Variants in BTN3A1 observed in about 807,000 individuals in gnomAD.
The protein encoded by BTN3A1 is butyrophilin subfamily 3 member A1, also known as dJ45P21.3 (butyrophilin, subfamily 3, member A1).
In BTN3A1, 24 loss-of-function variants were observed where a neutral mutation model predicts 43.0. That is an observed-to-expected ratio of 0.56 (90% CI 0.40 to 0.78). The LOEUF (loss-of-function observed/expected upper bound fraction) is 0.78. BTN3A1 is among the 30% of genes least tolerant of loss of function. The probability of loss-of-function intolerance (pLI) is 0.00; values close to 1 mark genes in which losing one functional copy is unlikely to be tolerated. For missense variants in BTN3A1, 533 were observed against 626.2 expected (o/e 0.85, Z 1.59); for synonymous variants, 181 against 234.7 (o/e 0.77, Z 2.09).
rs114918857 is a variant in BTN3A1, at chr6:26,405,767, T to C, written c.85+119T>C. Reference sequence around the variant, plus strand: ...CCCGATCTGAAGGTTCACCCGTCACTAAGAGACAAATGGTGCTTCTGTTAA... The same window carrying C: ...CCCGATCTGAAGGTTCACCCGTCACCAAGAGACAAATGGTGCTTCTGTTAA... On this transcript the variant is annotated intron_variant, in intron 2 of 9. Coordinates refer to ENST00000289361, the MANE Select transcript of BTN3A1 (RefSeq NM_007048.6). 2,042 of 1,582,140 alleles carry C rather than the reference T, an allele frequency of 1.3e-3. 14 individuals are homozygous for C. The highest frequency in any genetic ancestry group is 0.013 in the African/African-American group (940 of 74,140).
At position 26,402,279 on chromosome 6, in the gene BTN3A1, C is replaced by T. The variant is rs1761877512; in HGVS notation, c.-326C>T. ...TTCCAAAGAGAGATTGTTATTATTC[C>T]TCACGATGACCCGACAGTCTCTGCT... On this transcript the variant is annotated 5_prime_UTR_variant, in exon 1 of 10. Coordinates refer to ENST00000289361, the MANE Select transcript of BTN3A1 (RefSeq NM_007048.6). The T allele has an allele frequency of 1.3e-5, 2 of 152,222 alleles. No individual in the cohort carries two copies. Among genetic ancestry groups the T allele is most frequent in the East Asian group, 3.8e-4 (2 of 5,200 alleles). 9.4% of individuals were successfully genotyped at this position (152,222 alleles called of 1,614,324 possible).
At chr6:26,411,628 A>T (rs756388157) in intron 9 of BTN3A1, 47 bp downstream of exon 9, 2 of 1,587,418 alleles carry the variant, frequency 1.3e-6, no homozygotes, top group Non-Finnish European at 1.7e-6. Flanking sequence ...CTGAGGGACT[A>T]TATTCCTTTT....
Position 26,402,421 on chromosome 6 carries a change from G to A in BTN3A1, c.-193+9G>A, listed in dbSNP as rs1239842502. On this transcript the variant is annotated intron_variant, in intron 1 of 9. Transcript: ENST00000289361. The stretch of plus-strand genomic sequence containing the variant: ...GAGGGGAATGCTAAGAGGTGAGTGG[G>A]GGAAGTCGATTAGAGCCTGGTTCAC... 6.6e-6 allele frequency: 1 copy of A among 152,292 alleles called. No homozygotes were observed. The highest frequency in any genetic ancestry group is 6.5e-5 in the Admixed American group (1 of 15,268). 9.4% of individuals were successfully genotyped at this position (152,292 alleles called of 1,614,324 possible). A position where few individuals can be genotyped will look rare whatever the true frequency, so the allele number is the denominator to read the frequency against.
Position 26,413,222 on chromosome 6 carries a change from G to A in BTN3A1, c.1072G>A (p.Asp358Asn), listed in dbSNP as rs1762279515. 1 of 1,614,176 alleles carries A rather than the reference G, an allele frequency of 6.2e-7. No homozygotes were observed. The highest frequency in any genetic ancestry group is 8.5e-7 in the Non-Finnish European group (1 of 1,180,020). Residue 358 changes from aspartate to asparagine, a missense_variant, in exon 10 of 10, where the codon GAC becomes AAC. This residue lies in a region of BTN3A1 where 415 missense variants were observed against 427.0 expected (regional missense o/e 0.97). Transcript: ENST00000289361. ...TANPILLVSE[D>N]QRSVQRAKEP... ...AAACCCCATCCTCCTTGTTTCTGAG[G>A]ACCAGAGGAGTGTGCAGCGTGCCAA...
At position 26,413,964 on chromosome 6, in the gene BTN3A1, T is replaced by C; in HGVS notation, c.*272T>C. ...AGTTTGGTACCATCTTATTTTCCCC[T>C]TATACAGATAAGGAAACTGGGGTGC... On this transcript the variant is annotated 3_prime_UTR_variant, in exon 10 of 10. Transcript: ENST00000289361. The C allele has an allele frequency of 2.0e-6, 1 of 504,392 alleles. No individual in the cohort carries two copies. Among genetic ancestry groups the C allele is most frequent in the South Asian group, 2.1e-5 (1 of 48,160 alleles). The allele number at this position is 504,392 out of a possible 1,614,324, so 31.2% of individuals were successfully genotyped here.
At position 26,407,851 on chromosome 6, in the gene BTN3A1, C is replaced by T; in HGVS notation, c.614C>T (p.Ala205Val). Reference sequence around the variant, plus strand: ...GACGGAGTGGGCCTGTATGCAGTAGCAGCATCTGTGATCATGAGAGGCAGC... The same window carrying T: ...GACGGAGTGGGCCTGTATGCAGTAGTAGCATCTGTGATCATGAGAGGCAGC... ...VADGVGLYAVAASVIMRGSSG... is the reference protein window; with the variant it reads ...VADGVGLYAVVASVIMRGSSG... Residue 205 changes from alanine (A) to valine (V), a missense_variant, in exon 4 of 10, where the codon GCA becomes GTA. Around this residue, in one of 4 missense-constraint regions of BTN3A1, gnomAD observed 415 missense variants for 427.0 expected, o/e 0.97. Coordinates refer to ENST00000289361, the MANE Select transcript of BTN3A1 (RefSeq NM_007048.6). 8.1e-6 allele frequency: 13 copies of T among 1,614,228 alleles called. No individual in the cohort carries two copies. The highest frequency in any genetic ancestry group is 1.1e-5 in the Non-Finnish European group (13 of 1,180,048).
chr6:26,408,056 T>C, intron 4 of BTN3A1, 104 bp downstream of exon 4: 2 of 1,536,990 alleles, frequency 1.3e-6, no homozygotes, highest in Non-Finnish European at 1.8e-6. Flanking sequence ...GCACTGAATA[T>C]AAGGCCCAAA....
Position 26,406,194 on chromosome 6 carries a change from A to G in BTN3A1, c.371A>G (p.Tyr124Cys), listed in dbSNP as rs1762015098. ...HNVTASDSGK[Y>C]LCYFQDGDFY... ...GTCACAGCCTCTGACAGTGGAAAGT[A>G]CTTGTGTTATTTCCAAGATGGTGAC... Residue 124 changes from tyrosine to cysteine, a missense_variant, in exon 3 of 10, where the codon TAC becomes TGC. Transcript: ENST00000289361. 2.7e-6 allele frequency: 4 copies of G among 1,460,982 alleles called. No individual in the cohort carries two copies. Among genetic ancestry groups the G allele is most frequent in the South Asian group, 1.2e-5 (1 of 83,434 alleles). 90.5% of individuals were successfully genotyped at this position (1,460,982 alleles called of 1,614,324 possible). A position where few individuals can be genotyped will look rare whatever the true frequency, so the allele number is the denominator to read the frequency against.
At position 26,406,196 on chromosome 6, in the gene BTN3A1, T is replaced by C. The variant is rs111540572; in HGVS notation, c.373T>C (p.Leu125=). 183,463 of 1,400,248 alleles carry C rather than the reference T, an allele frequency of 0.13. 14,553 individuals are homozygous for C. Among genetic ancestry groups the C allele is most frequent in the South Asian group, 0.19 (14,637 of 78,578 alleles). 86.7% of individuals were successfully genotyped at this position (1,400,248 alleles called of 1,614,324 possible). A position where few individuals can be genotyped will look rare whatever the true frequency, so the allele number is the denominator to read the frequency against. The change falls in exon 3 of 10, where the codon TTG becomes CTG. Residue 125 remains leucine, a synonymous_variant. Transcript: ENST00000289361. ...NVTASDSGKY[L]CYFQDGDFYE... Reference sequence around the variant, plus strand: ...CACAGCCTCTGACAGTGGAAAGTACTTGTGTTATTTCCAAGATGGTGACTT... The same window carrying C: ...CACAGCCTCTGACAGTGGAAAGTACCTGTGTTATTTCCAAGATGGTGACTT...
Position 26,404,145 on chromosome 6 carries a change from C to T in BTN3A1, c.-192-1227C>T, listed in dbSNP as rs1169046496. 1.1e-4 allele frequency: 17 copies of T among 152,324 alleles called. No homozygotes were observed. The East Asian group carries it at 3.3e-3, about 29-fold the overall frequency. 9.4% of individuals were successfully genotyped at this position (152,324 alleles called of 1,614,324 possible). A position where few individuals can be genotyped will look rare whatever the true frequency, so the allele number is the denominator to read the frequency against. On this transcript the variant is annotated intron_variant, in intron 1 of 9. Transcript: ENST00000289361. ...CACCTCCCTCTGCAGATCTTGTTCTCAGAGGCCATTCCCAGACCCACAGCA... is the reference window on the plus strand; with the variant it reads ...CACCTCCCTCTGCAGATCTTGTTCTTAGAGGCCATTCCCAGACCCACAGCA...
chr6:26,413,459 G>A lies in BTN3A1; in HGVS notation c.1309G>A (p.Asp437Asn). Residue 437 changes from aspartate (D) to asparagine (N), a missense_variant, in exon 10 of 10, where the codon GAT becomes AAT. Around this residue, in one of 4 missense-constraint regions of BTN3A1, gnomAD observed 415 missense variants for 427.0 expected, o/e 0.97. Transcript: ENST00000289361. Reference sequence around the variant, plus strand: ...TGGATTCTGGACTATGGGGCTGACTGATGGGAATAAGTATCGGACTCTAAC... The same window carrying A: ...TGGATTCTGGACTATGGGGCTGACTAATGGGAATAAGTATCGGACTCTAAC... ...ENGFWTMGLT[D>N]GNKYRTLTEP... The A allele has an allele frequency of 6.2e-7, 1 of 1,614,162 alleles. No individual in the cohort carries two copies. The highest frequency in any genetic ancestry group is 8.5e-7 in the Non-Finnish European group (1 of 1,180,038).
chr6:26,413,125 G>C (rs1762274840), intron 9 of BTN3A1, 44 bp from the exon 10 acceptor site: 1 of 1,567,004 alleles, frequency 6.4e-7, no homozygotes, highest in Non-Finnish European at 8.6e-7. Context: ...TGAAATCCAG[G>C]AAAAATGGTT....
rs1481180634 is a variant in BTN3A1 at position 26,405,941 on chromosome 6, A to C, written c.118A>C (p.Ile40Leu). ...TTCTGTGCTTGGACCCTCTGGGCCC[A>C]TCCTGGCCATGGTGGGTGAAGACGC... ...QFSVLGPSGP[I>L]LAMVGEDADL... The change falls in exon 3 of 10, where the codon ATC becomes CTC. Residue 40 changes from isoleucine to leucine, a missense_variant. Coordinates refer to ENST00000289361, the MANE Select transcript of BTN3A1 (RefSeq NM_007048.6). 2.5e-6 allele frequency: 4 copies of C among 1,613,428 alleles called. No individual in the cohort carries two copies. Among genetic ancestry groups the C allele is most frequent in the Non-Finnish European group, 3.4e-6 (4 of 1,179,664 alleles).
At chr6:26,408,063 C>T in intron 4 of BTN3A1, 111 bp downstream of exon 4, 1 of 1,510,952 alleles carries the variant, frequency 6.6e-7, no homozygotes, top group Non-Finnish European at 8.9e-7. Context: ...ATATAAGGCC[C>T]AAAGCACAGA....
chr6:26,412,490 G>A (rs537547277), intron 9 of BTN3A1: 1 of 1,547,460 alleles, frequency 6.5e-7, no homozygotes, highest in Non-Finnish European at 8.7e-7. Context: ...TCTGCCCAGA[G>A]GACAGATTCC....
chr6:26,412,938 G>A, intron 9 of BTN3A1: 1 of 1,038,806 alleles, frequency 9.6e-7, no homozygotes, highest in South Asian at 2.5e-5. Flanking sequence ...GGGTTAGGCA[G>A]AGATGCTGAG....
In BTN3A1 at chr6:26,410,278, C is replaced by G. The variant is rs376956114; in HGVS notation, c.964+246C>G. ...ACCCAGGAGGAGTGTTTCTTTCTCC[C>G]TCTCTTTCTCTTTCTCAGCTGGTCT... On this transcript the variant is annotated intron_variant, in intron 7 of 9. Transcript: ENST00000289361. 2.7e-5 allele frequency among the ~76,000 whole-genome samples: 4 copies of G among 150,882 alleles called. No individual in the cohort carries two copies. The East Asian group carries it at 7.8e-4, about 30-fold the overall frequency.
At position 26,408,115 on chromosome 6, in the gene BTN3A1, A is replaced by G. The variant is rs939577128; in HGVS notation, c.715+163A>G. ...TGCACCGGGGGAGCTTCTCTTCTCC[A>G]TAAAGCTGTTCATGACGCAAACATT... On this transcript the variant is annotated intron_variant, in intron 4 of 9. Transcript: ENST00000289361. 2.0e-5 allele frequency among the ~76,000 whole-genome samples: 3 copies of G among 152,308 alleles called. 1 individual carries two copies. The highest frequency in any genetic ancestry group is 1.5e-5 in the Non-Finnish European group (1 of 68,026).
chr6:26,413,834 T>C lies in BTN3A1; in HGVS notation c.*142T>C. 1.3e-6 allele frequency: 2 copies of C among 1,528,900 alleles called. No homozygotes were observed. Among genetic ancestry groups the C allele is most frequent in the Non-Finnish European group, 1.8e-6 (2 of 1,123,866 alleles). The allele number at this position is 1,528,900 out of a possible 1,614,324, so 94.7% of individuals were successfully genotyped here. A position where few individuals can be genotyped will look rare whatever the true frequency, so the allele number is the denominator to read the frequency against. On this transcript the variant is annotated 3_prime_UTR_variant, in exon 10 of 10. Coordinates refer to ENST00000289361, the MANE Select transcript of BTN3A1 (RefSeq NM_007048.6). ...TGCTTCTCCCTGCCCAGCTCAGAGC[T>C]GAGGGCCTCCCCCTCCACAGCAACC...
Sources: gnomAD v4.1 joint callset for allele counts (sites outside exome capture counted in the v4.1 genomes callset) on GRCh38, gnomAD v4.1.1 for gene constraint, gnomAD v4.1.1 regional missense constraint, MANE v1.5 for transcripts, NCBI Gene and HGNC (gene_info 2026-07-23, HGNC 2026-07-21) for gene names.